Variants in TRPM3 observed in about 807,000 individuals in gnomAD.
TRPM3 encodes the protein long transient receptor potential channel 3.
TRPM3 carries 77 observed loss-of-function variants against 181.2 expected under a neutral mutation model. The ratio of observed to expected loss-of-function variants is 0.42; its 90% CI spans 0.35 to 0.51. The LOEUF (loss-of-function observed/expected upper bound fraction) is 0.51. TRPM3 is among the 20% of genes least tolerant of loss of function. TRPM3 has a pLI of 0.01. For synonymous variants in TRPM3, 745 were observed against 796.4 expected (o/e 0.94, Z 1.09); for missense variants, 1,759 against 2,196.7 (o/e 0.80, Z 3.98).
intron 6 of TRPM3, among the ~76,000 whole-genome samples, chr9:70,787,715 G>A (rs1438862999): frequency 1.4e-5 from 2 of 145,958 alleles, no homozygotes; most frequent in Non-Finnish European, 3.0e-5. Flanking sequence ...ACATACATGT[G>A]GGTAGACACA....
intron 1 of TRPM3, among the ~76,000 whole-genome samples, chr9:71,255,385 G>T (rs2082607275): frequency 6.6e-6 from 1 of 152,122 alleles, no homozygotes; most frequent in Admixed American, 6.5e-5. Flanking sequence ...TTACAAGATT[G>T]TGATTCATAT....
intron 1 of TRPM3, among the ~76,000 whole-genome samples, chr9:71,041,414 C>T (rs961254910): frequency 1.3e-5 from 2 of 152,074 alleles, no homozygotes; most frequent in Non-Finnish European, 2.9e-5. Flanking sequence ...TCTGTCATGA[C>T]ATGGTTTCTT....
At chr9:70,869,468 T>A (rs1010283878) in intron 1 of TRPM3, among the ~76,000 whole-genome samples, 1 of 151,680 alleles carries the variant, frequency 6.6e-6, no homozygotes. Context: ...GTATGAATGA[T>A]CCTAGTGGTT....
At chr9:70,836,078 T>C (rs2094302118) in intron 5 of TRPM3, among the ~76,000 whole-genome samples, 1 of 152,160 alleles carries the variant, frequency 6.6e-6, no homozygotes, top group East Asian at 1.9e-4. Flanking sequence ...ATTATTATTA[T>C]TTCAGTGATA....
chr9:71,391,194 T>A (rs1025709852), intron 1 of TRPM3, among the ~76,000 whole-genome samples: 7 of 152,016 alleles, frequency 4.6e-5, no homozygotes, highest in African/African-American at 1.7e-4. Flanking sequence ...ATCCTTGAAA[T>A]CTTTTACATG....
Position 71,020,669 on chromosome 9 carries a change from C to G in TRPM3, c.177+100509G>C, listed in dbSNP as rs114088031. ...ATCAGGAAAATGCAAATTAAACCCA[C>G]AATGAGATAAAAACATCTACTCTCA... On this transcript the variant is annotated intron_variant, in intron 1 of 25. Coordinates refer to ENST00000677713, the MANE Select transcript of TRPM3 (RefSeq NM_001366145.2). Among the ~76,000 whole-genome samples the G allele has an allele frequency of 4.0e-3, 616 of 152,202 alleles. 5 individuals are homozygous for G. The highest frequency in any genetic ancestry group is 0.014 in the African/African-American group (586 of 41,538).
intron 1 of TRPM3, among the ~76,000 whole-genome samples, chr9:71,203,045 C>T (rs2078903414): frequency 6.6e-6 from 1 of 152,166 alleles, no homozygotes; most frequent in Non-Finnish European, 1.5e-5. Flanking sequence ...TTACTCAAAG[C>T]CAGGTTGCAA....
intron 22 of TRPM3, among the ~76,000 whole-genome samples, chr9:70,571,187 C>T (rs2052227495): frequency 6.6e-6 from 1 of 152,070 alleles, no homozygotes; most frequent in Admixed American, 6.6e-5. Context: ...AACACAGGAC[C>T]CAGGCTCCGG....
At chr9:71,420,801 A>G (rs912048737) in intron 1 of TRPM3, among the ~76,000 whole-genome samples, 192 of 2,702 alleles carry the variant, frequency 0.071, 4 homozygotes, top group East Asian at 0.083. Flanking sequence ...GAGAGAAAGA[A>G]AGAGAGAAAG....
In TRPM3 at chr9:70,537,012, A is replaced by G. The variant is rs768596174; in HGVS notation, c.4101T>C (p.Ser1367=). The part of the protein sequence containing the change: ...KDKGGIEKLE[S]IFKERSLSLH... ...GGCTCAGGGACCTTTCTTTAAAAAT[A>G]CTTTCCAACTTTTCTATACCACCTT... The change falls in exon 26 of 26, where the codon AGT becomes AGC. Residue 1367 remains serine (S), a synonymous_variant. Coordinates refer to ENST00000677713, the MANE Select transcript of TRPM3 (RefSeq NM_001366145.2). The G allele has an allele frequency of 7.5e-6, 12 of 1,610,102 alleles. No homozygotes were observed. The South Asian group carries it at 1.1e-4, about 15-fold the overall frequency.
intron 1 of TRPM3, among the ~76,000 whole-genome samples, chr9:71,119,503 T>G (rs1274931070): frequency 6.6e-6 from 1 of 152,102 alleles, no homozygotes; most frequent in Non-Finnish European, 1.5e-5. Flanking sequence ...ACTTCTCTGC[T>G]GGTTTTGTGA....
At chr9:71,441,340 T>C (rs2094133966) in intron 1 of TRPM3, among the ~76,000 whole-genome samples, 1 of 152,018 alleles carries the variant, frequency 6.6e-6, no homozygotes, top group African/African-American at 2.4e-5. Flanking sequence ...TAAAAGGCAG[T>C]AGACAAAAAT....
chr9:71,166,266 C>T (rs2076537005), intron 1 of TRPM3, among the ~76,000 whole-genome samples: 1 of 152,044 alleles, frequency 6.6e-6, no homozygotes, highest in East Asian at 1.9e-4. Flanking sequence ...ACCCTCTTTC[C>T]CCAAATATAA....
In TRPM3 at chr9:71,202,320, A is replaced by C. The variant is rs559221281; in HGVS notation, c.183+244333T>G. 6.6e-5 allele frequency among the ~76,000 whole-genome samples: 10 copies of C among 152,170 alleles called. No individual in the cohort carries two copies. The South Asian group carries it at 2.1e-3, about 32-fold the overall frequency. On this transcript the variant is annotated intron_variant, in intron 1 of 24. Transcript: ENST00000357533. The stretch of plus-strand genomic sequence containing the variant: ...GAGGAGGCAGTGTGCCCATTCTCAG[A>C]TCTCCATGTGCGTGCTGGGAGAACC...
At chr9:70,643,840 TA>T (rs1382089909) in intron 9 of TRPM3, among the ~76,000 whole-genome samples, 1 of 152,250 alleles carries the variant, frequency 6.6e-6, no homozygotes, top group Non-Finnish European at 1.5e-5. Flanking sequence ...AGGATAAAAT[TA>T]AGAACTTCTA....
At chr9:71,242,949 C>T (rs2081802884) in intron 1 of TRPM3, among the ~76,000 whole-genome samples, 1 of 152,146 alleles carries the variant, frequency 6.6e-6, no homozygotes, top group African/African-American at 2.4e-5. Flanking sequence ...AATACCAAAC[C>T]AGTGTAGCTG....
At chr9:70,938,318 CTCTT>C (rs1295652147) in intron 1 of TRPM3, among the ~76,000 whole-genome samples, 1 of 152,176 alleles carries the variant, frequency 6.6e-6, no homozygotes, top group Non-Finnish European at 1.5e-5. Context: ...TGAGCCTGCT[CTCTT>C]TAAGATCACC....
chr9:70,964,450 GT>G (rs1235509469), intron 1 of TRPM3, among the ~76,000 whole-genome samples: 1 of 152,016 alleles, frequency 6.6e-6, no homozygotes, highest in Non-Finnish European at 1.5e-5. Flanking sequence ...TATCATTGCT[GT>G]TTTTTACTTG....
At chr9:71,127,545 T>C (rs975440206) in intron 1 of TRPM3, among the ~76,000 whole-genome samples, 1 of 152,228 alleles carries the variant, frequency 6.6e-6, no homozygotes, top group African/African-American at 2.4e-5. Context: ...GGGGCAGTGA[T>C]ACAACTTCTC....
Sources: gnomAD v4.1 joint callset for allele counts (sites outside exome capture counted in the v4.1 genomes callset) on GRCh38, gnomAD v4.1.1 for gene constraint, MANE v1.5 for transcripts, NCBI Gene and HGNC (gene_info 2026-07-23, HGNC 2026-07-21) for gene names.